Variants in CEP152 observed in about 807,000 individuals in gnomAD.
CEP152 encodes the protein centrosomal protein 152, also known as centrosomal protein of 152 kDa.
CEP152 carries 132 observed loss-of-function variants against 188.9 expected under a neutral mutation model. The observed-to-expected ratio is 0.70, with a 90% CI of 0.61 to 0.81. The LOEUF is 0.81. Ranked by LOEUF, CEP152 falls within the 30% of genes least tolerant of loss-of-function variation. The pLI, the probability that CEP152 is intolerant of heterozygous loss-of-function variation, is 0.00. For synonymous variants in CEP152, 649 were observed against 666.6 expected, an observed-to-expected ratio of 0.97 and a Z score of 0.41; for missense variants, 1,914 against 1,969.8, an observed-to-expected ratio of 0.97 and a Z score of 0.54.
In CEP152 at chr15:48,768,964, G is replaced by C. The variant is rs889026394; in HGVS notation, c.1900C>G (p.Gln634Glu). Reference protein sequence around the residue: ...LKNEIQVLQQQNQELKETEGK... With the variant: ...LKNEIQVLQQENQELKETEGK... ...AAAATATTTTTAATCACCTGATTTT[G>C]TTGTTGTAAAACTTGAATTTCATTT... is the stretch of plus-strand genomic sequence containing the variant. Residue 634 changes from glutamine (Q) to glutamate (E), a missense_variant, in exon 14 of 27, where the codon CAA (glutamine) becomes GAA (glutamate). By Grantham distance (29) the Gln-to-Glu change is conservative. Coordinates refer to ENST00000380950, the MANE Select transcript of CEP152 (RefSeq NM_001194998.2). 3.3e-6 allele frequency: 5 copies of C among 1,533,504 alleles called. No homozygotes were observed. Among genetic ancestry groups the C allele is most frequent in the Non-Finnish European group, 4.5e-6 (5 of 1,115,288 alleles). 95.0% of individuals were successfully genotyped at this position (1,533,504 alleles called of 1,614,324 possible). A position where few individuals can be genotyped will look rare whatever the true frequency, so the allele number is the denominator to read the frequency against.
chr15:48,747,462 A>C (rs1893531006), intron 22 of CEP152, among the ~76,000 whole-genome samples: 1 of 152,182 alleles, frequency 6.6e-6, no homozygotes, highest in Non-Finnish European at 1.5e-5. Context: ...AAACAATTAC[A>C]ATACAGAATG....
intron 22 of CEP152, among the ~76,000 whole-genome samples, chr15:48,746,308 CTG>C (rs1893418432): frequency 6.6e-6 from 1 of 152,018 alleles, no homozygotes; most frequent in Admixed American, 6.6e-5. Context: ...TCAAAAAACA[CTG>C]TGTAGAATAG....
At chr15:48,791,472 T>C in intron 7 of CEP152, 96 bp from the exon 8 acceptor site, 3 of 1,074,674 alleles carry the variant, frequency 2.8e-6, no homozygotes, top group Non-Finnish European at 4.1e-6. Flanking sequence ...CATATATAAA[T>C]GTTGTTGAAT....
Position 48,797,727 on chromosome 15 carries a change from T to C in CEP152, c.195A>G (p.Pro65=), listed in dbSNP as rs2140908016. ...TCATCTCCAATTGCTCAGGATGATG[T>C]GGTCTCGAGAAAAAGGAATACTTTC... ...DCSEDGTDGQ[P]HHPEQLEMSW... is the part of the protein sequence containing the mutation. The change falls in exon 4 of 27, where the codon CCA becomes CCG. Residue 65 remains proline, a synonymous_variant. Coordinates refer to ENST00000380950, the MANE Select transcript of CEP152 (RefSeq NM_001194998.2). 12 of 1,614,080 alleles carry C rather than the reference T, an allele frequency of 7.4e-6. No individual in the cohort carries two copies. The highest frequency in any genetic ancestry group is 1.0e-5 in the Non-Finnish European group (12 of 1,179,964).
rs751312859 is a variant in CEP152, at chr15:48,762,687, A to C, written c.2281-15T>G. 6.2e-7 allele frequency: 1 copy of C among 1,612,346 alleles called. No homozygotes were observed. Among genetic ancestry groups the C allele is most frequent in the South Asian group, 1.1e-5 (1 of 91,016 alleles). On this transcript the variant is annotated splice_polypyrimidine_tract_variant and intron_variant, in intron 17 of 26. Transcript: ENST00000380950. ...TTTTCTTTGATCTGTTTTCAGAAGA[A>C]AAATCATACGAGAAGAACAATTTTC...
chr15:48,781,336 A>G lies in CEP152; in HGVS notation c.1437T>C (p.Asp479=), dbSNP rs1249268396. Residue 479 remains aspartate, a synonymous_variant, in exon 12 of 27, where the codon GAT becomes GAC. Coordinates refer to ENST00000380950, the MANE Select transcript of CEP152 (RefSeq NM_001194998.2). ...ALQEELTELK[D]EISLYESAAK... The stretch of plus-strand genomic sequence containing the variant: ...CAGCAGATTCATAGAGAGAAATTTC[A>G]TCTTTTAGTTCTGTTAATTCTTCCT... The G allele has an allele frequency of 6.2e-7, 1 of 1,609,142 alleles. No individual in the cohort carries two copies.
chr15:48,791,913 A>C (rs1394939055), intron 7 of CEP152, among the ~76,000 whole-genome samples: 1 of 152,160 alleles, frequency 6.6e-6, no homozygotes, highest in Non-Finnish European at 1.5e-5. Context: ...TTCCTTTAAA[A>C]CTATTATTGC....
chr15:48,784,096 C>T lies in CEP152; in HGVS notation c.1198G>A (p.Asp400Asn), dbSNP rs1451898608. Residue 400 changes from aspartate to asparagine, a missense_variant, in exon 10 of 27, where the codon GAT becomes AAT. Asp to Asn is a conservative substitution (Grantham distance 23). Transcript: ENST00000380950. ...TTCCTTTCCAGTTGTTTCACGTGAT[C>T]TTTCAGACGAGAGCAAATGTCTTCC... Reference protein sequence around the residue: ...EQEDICSRLKDHVKQLERNQE... With the variant: ...EQEDICSRLKNHVKQLERNQE... 6.2e-7 allele frequency: 1 copy of T among 1,613,542 alleles called. No homozygotes were observed. Among genetic ancestry groups the T allele is most frequent in the East Asian group, 2.2e-5 (1 of 44,852 alleles).
chr15:48,803,659 C>T (rs947107473), intron 2 of CEP152, among the ~76,000 whole-genome samples: 4 of 152,052 alleles, frequency 2.6e-5, no homozygotes, highest in Admixed American at 2.0e-4. Flanking sequence ...ATTCCCTATC[C>T]CAGCATACAA....
At chr15:48,796,642 A>ATTTT (rs1897319787) in intron 5 of CEP152, among the ~76,000 whole-genome samples, 3 of 152,138 alleles carry the variant, frequency 2.0e-5, no homozygotes, top group Non-Finnish European at 4.4e-5. Flanking sequence ...TTAAGAGAAA[A>ATTTT]TAACCACTTA....
At chr15:48,772,422 AG>A (rs1410979222) in intron 13 of CEP152, 64 bp downstream of exon 13, 3 of 1,371,792 alleles carry the variant, frequency 2.2e-6, no homozygotes, top group Non-Finnish European at 3.1e-6. Context: ...AAAAAAAAAA[AG>A]TGTAAAAGTT....
intron 24 of CEP152, 25 bp downstream of exon 24, chr15:48,744,215 T>C (rs774833424): frequency 1.2e-6 from 2 of 1,612,928 alleles, no homozygotes; most frequent in Non-Finnish European, 1.7e-6. Flanking sequence ...CAAGCCATCC[T>C]TAAAATCTTC....
intron 17 of CEP152, among the ~76,000 whole-genome samples, chr15:48,763,501 C>T (rs1231566254): frequency 6.6e-6 from 1 of 152,000 alleles, no homozygotes; most frequent in African/African-American, 2.4e-5. Flanking sequence ...TGGCGAAACC[C>T]CATCTCTACT....
intron 12 of CEP152, among the ~76,000 whole-genome samples, chr15:48,775,227 G>C (rs1241201167): frequency 6.6e-6 from 1 of 151,800 alleles, no homozygotes; most frequent in Non-Finnish European, 1.5e-5. Context: ...GACAGAAAAG[G>C]TATTTAAGGA....
intron 2 of CEP152, among the ~76,000 whole-genome samples, chr15:48,802,580 T>C (rs1419037918): frequency 6.6e-6 from 1 of 152,194 alleles, no homozygotes; most frequent in African/African-American, 2.4e-5. Context: ...CATTAAGAGT[T>C]GTAGCACTTT....
chr15:48,738,696 T>G lies in CEP152; in HGVS notation c.4686A>C (p.Val1562=), dbSNP rs772088586. 3.1e-6 allele frequency: 5 copies of G among 1,614,118 alleles called. No individual in the cohort carries two copies. In the Admixed American group the frequency reaches 8.3e-5, roughly 27 times the overall value. The change falls in exon 27 of 27, where the codon GTA becomes GTC. Residue 1562 remains valine, a synonymous_variant. Coordinates refer to ENST00000380950, the MANE Select transcript of CEP152 (RefSeq NM_001194998.2). ...SQGLDVQEPP[V]KDGGDLSDCL... The stretch of plus-strand genomic sequence containing the variant: ...AGTCACTAAGGTCCCCTCCATCTTT[T>G]ACTGGAGGTTCCTGAACATCCAAAC...
chr15:48,779,159 C>T (rs377144913), intron 12 of CEP152, among the ~76,000 whole-genome samples: 1 of 152,230 alleles, frequency 6.6e-6, no homozygotes, highest in African/African-American at 2.4e-5. Flanking sequence ...TCTTTTTTGT[C>T]ATGAACTACA....
intron 26 of CEP152, 140 bp from the exon 27 acceptor site, chr15:48,739,428 T>C: frequency 7.8e-7 from 1 of 1,283,990 alleles, no homozygotes; most frequent in Non-Finnish European, 1.0e-6. Context: ...AATGCTTATA[T>C]ACTGTAATAA....
intron 18 of CEP152, among the ~76,000 whole-genome samples, chr15:48,761,930 TGATA>T (rs945603844): frequency 3.3e-5 from 5 of 152,206 alleles, no homozygotes; most frequent in Admixed American, 2.0e-4. Context: ...CTGATGGGAA[TGATA>T]GATAAAGTTC....
Sources: allele counts gnomAD v4.1 joint callset (sites outside exome capture counted in the v4.1 genomes callset), GRCh38; gene constraint gnomAD v4.1.1; transcripts MANE v1.5; gene names NCBI Gene and HGNC (gene_info 2026-07-23, HGNC 2026-07-21).